Variants in FOCAD observed in about 807,000 individuals in gnomAD.
The protein encoded by FOCAD is KIAA1797.
FOCAD carries 198 observed loss-of-function variants against 225.6 expected under a neutral mutation model. The observed-to-expected ratio is 0.88, with a 90% CI of 0.78 to 0.99. The LOEUF is 0.99. FOCAD is among the 50% of genes least tolerant of loss of function. The pLI, the probability that FOCAD is intolerant of heterozygous loss-of-function variation, is 0.00. For synonymous variants in FOCAD, 897 were observed against 755.0 expected (o/e 1.19, Z -3.08); for missense variants, 2,713 against 2,123.6 (o/e 1.28, Z -5.46).
At chr9:20,899,215 A>G (rs181995433) in intron 21 of FOCAD, among the ~76,000 whole-genome samples, 3 of 152,012 alleles carry the variant, frequency 2.0e-5, no homozygotes, top group Admixed American at 1.3e-4. Flanking sequence ...TCACAAGGTG[A>G]GTTTTTTCTG....
intron 5 of FOCAD, among the ~76,000 whole-genome samples, chr9:20,757,602 C>A (rs909469906): frequency 6.6e-6 from 1 of 151,984 alleles, no homozygotes; most frequent in African/African-American, 2.4e-5. Flanking sequence ...AAGCGCAGAA[C>A]CATACAATGG....
At position 20,856,315 on chromosome 9, in the gene FOCAD, A is replaced by G. The variant is rs577462134; in HGVS notation, c.1921-6263A>G. Among the ~76,000 whole-genome samples, 3 of 152,002 alleles carry G rather than the reference A, an allele frequency of 2.0e-5. No individual in the cohort carries two copies. In the South Asian group the frequency reaches 6.2e-4, roughly 32 times the overall value. On this transcript the variant is annotated intron_variant, in intron 15 of 43. Coordinates refer to ENST00000338382, the MANE Select transcript of FOCAD (RefSeq NM_001375567.1). ...TTTAACTGTGGTGAGATAATATCTC[A>G]TTGTAGTTTTAATTTGCATTTCTCT... is the stretch of plus-strand genomic sequence containing the variant.
chr9:20,925,824 T>A (rs1359383703), intron 25 of FOCAD, among the ~76,000 whole-genome samples: 1 of 152,230 alleles, frequency 6.6e-6, no homozygotes, highest in Admixed American at 6.5e-5. Context: ...GTTGTCAAGA[T>A]TCTTGAAATG....
At chr9:20,727,098 C>G (rs541847107) in intron 4 of FOCAD, among the ~76,000 whole-genome samples, 32 of 152,110 alleles carry the variant, frequency 2.1e-4, no homozygotes, top group African/African-American at 7.5e-4. Context: ...TAGTCCATGT[C>G]TGTTTCCCAT....
chr9:20,694,995 A>T (rs1215818217), intron 1 of FOCAD, among the ~76,000 whole-genome samples: 1 of 152,160 alleles, frequency 6.6e-6, no homozygotes, highest in Non-Finnish European at 1.5e-5. Flanking sequence ...TATTCTGTAC[A>T]ATCCCTCCAC....
intron 8 of FOCAD, among the ~76,000 whole-genome samples, chr9:20,772,939 A>G (rs1366890567): frequency 1.3e-5 from 2 of 150,058 alleles, no homozygotes; most frequent in Non-Finnish European, 3.0e-5. Flanking sequence ...TATATTTTAC[A>G]GATATAATCA....
intron 23 of FOCAD, 49 bp downstream of exon 23, chr9:20,913,003 A>G: frequency 6.8e-7 from 1 of 1,478,126 alleles, no homozygotes; most frequent in Middle Eastern, 1.7e-4. Flanking sequence ...GAAGTGAGCT[A>G]TGAGGGGAAA....
intron 18 of FOCAD, among the ~76,000 whole-genome samples, chr9:20,869,210 G>A (rs1040040882): frequency 2.6e-5 from 4 of 152,052 alleles, no homozygotes; most frequent in African/African-American, 9.7e-5. Flanking sequence ...CTGCACTAAG[G>A]GCAATTGGTT....
intron 2 of FOCAD, among the ~76,000 whole-genome samples, chr9:20,661,397 G>A (rs766677574): frequency 1.3e-5 from 2 of 152,176 alleles, no homozygotes; most frequent in African/African-American, 2.4e-5. Context: ...CTCAAGACTG[G>A]GTTTTGCAGC....
At chr9:20,884,076 A>G (rs2131854483) in intron 20 of FOCAD, among the ~76,000 whole-genome samples, 1 of 152,324 alleles carries the variant, frequency 6.6e-6, no homozygotes, top group South Asian at 2.1e-4. Flanking sequence ...GACCCATGTT[A>G]TCATGTGTTC....
At chr9:20,698,080 C>A (rs1306120572) in intron 1 of FOCAD, among the ~76,000 whole-genome samples, 1 of 152,122 alleles carries the variant, frequency 6.6e-6, no homozygotes, top group Non-Finnish European at 1.5e-5. Context: ...GATAAAAAAC[C>A]ATGGTTTCAA....
At chr9:20,810,954 TTA>T (rs1414637700) in intron 11 of FOCAD, among the ~76,000 whole-genome samples, 1 of 152,232 alleles carries the variant, frequency 6.6e-6, no homozygotes, top group East Asian at 1.9e-4. Flanking sequence ...CTGATGATGT[TTA>T]TGTTTTTGGC....
chr9:20,898,520 C>T (rs1832293996), intron 21 of FOCAD, among the ~76,000 whole-genome samples: 1 of 151,886 alleles, frequency 6.6e-6, no homozygotes, highest in African/African-American at 2.4e-5. Flanking sequence ...TGTTAATAAG[C>T]TCATTAAAAG....
At chr9:20,948,570 A>G (rs1837404204) in intron 31 of FOCAD, among the ~76,000 whole-genome samples, 177 bp downstream of exon 31, 3 of 152,196 alleles carry the variant, frequency 2.0e-5, no homozygotes, top group Admixed American at 6.5e-5. Flanking sequence ...TCTGCCAACT[A>G]TTATAATTTT....
chr9:20,736,692 A>G lies in FOCAD; in HGVS notation c.288-3544A>G, dbSNP rs528048533. On this transcript the variant is annotated intron_variant, in intron 4 of 43. Coordinates refer to ENST00000338382, the MANE Select transcript of FOCAD (RefSeq NM_001375567.1). ...TATAGTATAAGTTTTGAATTATCCC[A>G]GCTTTTTGAAAAAGCATGTAATTTA... Among the ~76,000 whole-genome samples the G allele has an allele frequency of 6.4e-4, 97 of 152,254 alleles. 1 individual carries two copies. Among genetic ancestry groups the G allele is most frequent in the Non-Finnish European group, 1.1e-3 (74 of 68,006 alleles).
At chr9:20,964,725 A>C (rs978978797) in intron 35 of FOCAD, among the ~76,000 whole-genome samples, 1 of 152,096 alleles carries the variant, frequency 6.6e-6, no homozygotes, top group African/African-American at 2.4e-5. Flanking sequence ...TAGTAGAGAC[A>C]GGCTTTCACC....
chr9:20,819,496 G>T (rs1824088824), intron 11 of FOCAD, among the ~76,000 whole-genome samples: 1 of 152,108 alleles, frequency 6.6e-6, no homozygotes, highest in Non-Finnish European at 1.5e-5. Flanking sequence ...TTACAGGTGT[G>T]AGCCACCATG....
At chr9:20,853,720 A>G (rs1827895210) in intron 15 of FOCAD, among the ~76,000 whole-genome samples, 1 of 151,774 alleles carries the variant, frequency 6.6e-6, no homozygotes, top group Admixed American at 6.6e-5. Flanking sequence ...GTACCTCAAT[A>G]TCTATATCTG....
chr9:20,871,254 T>A (rs1829739636), intron 18 of FOCAD, among the ~76,000 whole-genome samples: 1 of 152,158 alleles, frequency 6.6e-6, no homozygotes, highest in African/African-American at 2.4e-5. Flanking sequence ...TTAAGTTTTT[T>A]AACAAAGCTT....
Sources: allele counts gnomAD v4.1 joint callset (sites outside exome capture counted in the v4.1 genomes callset), GRCh38; gene constraint gnomAD v4.1.1; transcripts MANE v1.5; gene names NCBI Gene and HGNC (gene_info 2026-07-23, HGNC 2026-07-21).